TSNARE1: variants seen among roughly 807,000 people sequenced by gnomAD.
The protein encoded by TSNARE1 is t-SNARE domain-containing protein 1.
A neutral mutation model predicts 62.0 loss-of-function variants in TSNARE1; 49 were observed. The observed-to-expected ratio is 0.79, with a 90% CI of 0.63 to 1.00. The LOEUF (loss-of-function observed/expected upper bound fraction) is 1.00, where lower values mean the gene tolerates loss of function less well. Among genes scored for constraint, TSNARE1 ranks in the 50% least tolerant of loss-of-function variants. The pLI, the probability that TSNARE1 is intolerant of heterozygous loss-of-function variation, is 0.00. For synonymous variants in TSNARE1, 328 were observed against 294.4 expected, an observed-to-expected ratio of 1.11 and a Z score of -1.17; for missense variants, 755 against 700.1, an observed-to-expected ratio of 1.08 and a Z score of -0.88.
chr8:142,367,034 TA>T (rs1835596973), intron 1 of TSNARE1, among the ~76,000 whole-genome samples: 1 of 150,372 alleles, frequency 6.7e-6, no homozygotes, highest in Admixed American at 6.6e-5. Context: ...ACGAAAAATA[TA>T]GTATACCTAG....
chr8:142,283,332 G>A (rs1422818337), intron 11 of TSNARE1, among the ~76,000 whole-genome samples: 2 of 150,832 alleles, frequency 1.3e-5, no homozygotes, highest in Admixed American at 6.6e-5. Context: ...AATGAGCAGA[G>A]GCGGGGCCAG....
intron 10 of TSNARE1, among the ~76,000 whole-genome samples, chr8:142,299,715 C>T (rs1051034632): frequency 1.3e-5 from 2 of 152,130 alleles, no homozygotes; most frequent in African/African-American, 2.4e-5. Flanking sequence ...CACTCACGCA[C>T]GCACTCACAT....
At chr8:142,343,905 G>GC (rs892850606) in intron 4 of TSNARE1, 61 bp downstream of exon 4, 151 of 1,419,066 alleles carry the variant, frequency 1.1e-4, no homozygotes, top group South Asian at 1.1e-4. Context: ...GCCAAGATGG[G>GC]CCCCCCCCTC....
rs927705251 is a variant in TSNARE1, at chr8:142,275,886, G to A, written c.1364-1023C>T. 8.1e-6 allele frequency: 8 copies of A among 985,278 alleles called. No individual in the cohort carries two copies. The African/African-American group carries it at 1.2e-4, about 15-fold the overall frequency. 61.0% of individuals were successfully genotyped at this position (985,278 alleles called of 1,614,324 possible). On this transcript the variant is annotated intron_variant, in intron 11 of 13. Coordinates refer to ENST00000524325, the MANE Select transcript of TSNARE1 (RefSeq NM_145003.5). ...TGGCTCTGAGGGAGGAGGGTCCTCA[G>A]AAAGACAAGGCCACTCCCCACCGTC...
intron 10 of TSNARE1, among the ~76,000 whole-genome samples, chr8:142,285,255 C>G (rs13269599): frequency 0.23 from 27,300 of 120,228 alleles, 3,620 homozygotes; most frequent in African/African-American, 0.34. Flanking sequence ...TGGATGGATG[C>G]GTAGGTGGAT....
Position 142,383,057 on chromosome 8 carries a change from C to T in TSNARE1, c.-40+20047G>A, listed in dbSNP as rs1369481898. Among the ~76,000 whole-genome samples, 3 of 152,142 alleles carry T rather than the reference C, an allele frequency of 2.0e-5. No individual in the cohort carries two copies. The East Asian group carries it at 5.8e-4, about 29-fold the overall frequency. ...CCCTCTCTGGAGAAGGGCACAGGGA[C>T]CCACAACAGGACAGGGAAAGGCTGG... On this transcript the variant is annotated intron_variant, in intron 1 of 13. Coordinates refer to ENST00000524325, the MANE Select transcript of TSNARE1 (RefSeq NM_145003.5).
intron 12 of TSNARE1, among the ~76,000 whole-genome samples, chr8:142,231,941 C>A (rs73362791): frequency 6.6e-6 from 1 of 152,218 alleles, no homozygotes. Flanking sequence ...CCTGTGCCAG[C>A]CCTACTCCCA....
chr8:142,361,464 C>T (rs767887041), intron 1 of TSNARE1, among the ~76,000 whole-genome samples: 11 of 152,190 alleles, frequency 7.2e-5, no homozygotes, highest in Non-Finnish European at 1.3e-4. Context: ...CAAGAAGCGG[C>T]GCTGCCTCCC....
At chr8:142,273,192 TCACCTC>T in intron 12 of TSNARE1, 1 of 981,204 alleles carries the variant, frequency 1.0e-6, no homozygotes, top group Non-Finnish European at 1.2e-6. Flanking sequence ...TCCTCCTCCT[TCACCTC>T]CTCCTCTTCC....
chr8:142,400,091 G>A (rs1838176931), intron 1 of TSNARE1, among the ~76,000 whole-genome samples: 1 of 151,986 alleles, frequency 6.6e-6, no homozygotes, highest in Admixed American at 6.5e-5. Context: ...TGGGATTACA[G>A]TGTGTGGCTC....
intron 1 of TSNARE1, among the ~76,000 whole-genome samples, chr8:142,356,489 T>C (rs936741336): frequency 5.3e-5 from 8 of 152,154 alleles, no homozygotes; most frequent in Non-Finnish European, 7.4e-5. Context: ...GAGGCAGGTC[T>C]CAACGCAGCG....
At chr8:142,361,647 G>A (rs928205535) in intron 1 of TSNARE1, among the ~76,000 whole-genome samples, 12 of 152,202 alleles carry the variant, frequency 7.9e-5, no homozygotes, top group Admixed American at 3.9e-4. Context: ...CATGGTGACC[G>A]AGGTGGAGCT....
intron 4 of TSNARE1, among the ~76,000 whole-genome samples, chr8:142,337,261 G>A (rs1441229056): frequency 1.3e-5 from 2 of 152,156 alleles, no homozygotes; most frequent in Non-Finnish European, 1.5e-5. Flanking sequence ...AATTGATCTT[G>A]ATCTTAATTA....
intron 4 of TSNARE1, among the ~76,000 whole-genome samples, chr8:142,340,610 AAAG>A (rs1259946642): frequency 1.3e-5 from 2 of 148,964 alleles, no homozygotes; most frequent in African/African-American, 2.5e-5. Context: ...TTATGTCAAT[AAAG>A]AAAGAAAATA....
intron 6 of TSNARE1, among the ~76,000 whole-genome samples, chr8:142,326,386 G>A (rs371214895): frequency 9.2e-4 from 70 of 75,912 alleles, no homozygotes; most frequent in Admixed American, 1.0e-3. Flanking sequence ...AGCACGAGAC[G>A]GATGAGGAAC....
At chr8:142,261,142 G>A (rs1818864157) in intron 12 of TSNARE1, among the ~76,000 whole-genome samples, 1 of 120,434 alleles carries the variant, frequency 8.3e-6, no homozygotes, top group Non-Finnish European at 1.8e-5. Flanking sequence ...GAGGGAAGGA[G>A]GAAAGAGGTA....
intron 13 of TSNARE1, among the ~76,000 whole-genome samples, chr8:142,223,333 T>C (rs1014845532): frequency 1.7e-4 from 7 of 40,648 alleles, no homozygotes; most frequent in Non-Finnish European, 2.3e-4. Flanking sequence ...CACTCACTCG[T>C]TCACTCATTC....
At chr8:142,355,603 C>T (rs757974809) in intron 1 of TSNARE1, among the ~76,000 whole-genome samples, 53 of 152,302 alleles carry the variant, frequency 3.5e-4, no homozygotes, top group Non-Finnish European at 4.0e-4. Flanking sequence ...ACTGCCAGAG[C>T]GTCCTCCCTG....
chr8:142,263,487 C>T (rs1341068427), intron 12 of TSNARE1, among the ~76,000 whole-genome samples: 1 of 152,212 alleles, frequency 6.6e-6, no homozygotes, highest in Admixed American at 6.5e-5. Flanking sequence ...TGGCCTCAAA[C>T]ATCCCCTTCT....
Sources: gnomAD v4.1 joint callset for allele counts (sites outside exome capture counted in the v4.1 genomes callset) on GRCh38, gnomAD v4.1.1 for gene constraint, MANE v1.5 for transcripts, NCBI Gene and HGNC (gene_info 2026-07-23, HGNC 2026-07-21) for gene names.